SPAG16: variants seen among roughly 807,000 people sequenced by gnomAD.
The protein encoded by SPAG16 is sperm associated antigen 16.
SPAG16 carries 86 observed loss-of-function variants against 80.4 expected under a neutral mutation model. That is an observed-to-expected ratio of 1.07 (90% confidence interval 0.90 to 1.28). The LOEUF (loss-of-function observed/expected upper bound fraction) is 1.28. Ranked by LOEUF, SPAG16 falls within the 50% of genes most tolerant of loss-of-function variation. SPAG16 has a pLI of 0.00. For missense variants in SPAG16, 870 were observed against 765.3 expected, an observed-to-expected ratio of 1.14 and a Z score of -1.61; for synonymous variants, 294 against 265.9, an observed-to-expected ratio of 1.11 and a Z score of -1.03.
intron 5 of SPAG16, among the ~76,000 whole-genome samples, chr2:213,338,923 G>A (rs72937070): frequency 0.19 from 29,265 of 151,712 alleles, 3,770 homozygotes; most frequent in Non-Finnish European, 0.29. Flanking sequence ...CGTATGCTGC[G>A]CTTAATAGCT....
intron 15 of SPAG16, among the ~76,000 whole-genome samples, chr2:214,303,796 T>TC (rs1447049320): frequency 6.6e-6 from 1 of 152,220 alleles, no homozygotes; most frequent in Non-Finnish European, 1.5e-5. Context: ...AGGTTTTTTT[T>TC]CCTTTTTAAA....
intron 13 of SPAG16, among the ~76,000 whole-genome samples, chr2:214,021,754 A>C (rs755282669): frequency 7.2e-5 from 11 of 152,162 alleles, no homozygotes; most frequent in Non-Finnish European, 1.6e-4. Flanking sequence ...CTTGCTTTGA[A>C]CACCTTGGTT....
At chr2:214,022,256 CA>C (rs2047911702) in intron 13 of SPAG16, among the ~76,000 whole-genome samples, 1 of 152,024 alleles carries the variant, frequency 6.6e-6, no homozygotes, top group African/African-American at 2.4e-5. Context: ...TACGTAATTG[CA>C]TTTTTATAGA....
At chr2:213,780,117 A>G (rs1433767005) in intron 10 of SPAG16, among the ~76,000 whole-genome samples, 1 of 152,166 alleles carries the variant, frequency 6.6e-6, no homozygotes, top group Non-Finnish European at 1.5e-5. Context: ...TCTCAAAGCA[A>G]TGTCTAGATC....
At chr2:213,833,511 TAA>T (rs1559506173) in intron 10 of SPAG16, among the ~76,000 whole-genome samples, 707 of 3,010 alleles carry the variant, frequency 0.23, 313 homozygotes, top group East Asian at 0.62. Flanking sequence ...ATATTATATA[TAA>T]TATATATAAT....
At chr2:213,674,775 A>G (rs1454394520) in intron 10 of SPAG16, among the ~76,000 whole-genome samples, 3 of 150,282 alleles carry the variant, frequency 2.0e-5, no homozygotes, top group Non-Finnish European at 4.4e-5. Context: ...TTCTTAATCC[A>G]GTCTATCATT....
intron 14 of SPAG16, among the ~76,000 whole-genome samples, chr2:214,127,639 G>A (rs1576294938): frequency 6.6e-6 from 1 of 151,738 alleles, no homozygotes; most frequent in African/African-American, 2.4e-5. Context: ...ATTTTATTTT[G>A]TTTAGGAGGA....
chr2:214,091,592 A>T (rs542589645), intron 13 of SPAG16, among the ~76,000 whole-genome samples: 1 of 152,290 alleles, frequency 6.6e-6, no homozygotes, highest in South Asian at 2.1e-4. Context: ...AGTGTATGCA[A>T]TTATTGCTAT....
chr2:213,738,376 C>T (rs961979511), intron 10 of SPAG16, among the ~76,000 whole-genome samples: 1 of 152,102 alleles, frequency 6.6e-6, no homozygotes, highest in Non-Finnish European at 1.5e-5. Context: ...ACCAGTTATT[C>T]AGAAGATAGA....
At chr2:213,368,934 A>C (rs1372558795) in intron 8 of SPAG16, among the ~76,000 whole-genome samples, 2 of 152,228 alleles carry the variant, frequency 1.3e-5, no homozygotes, top group Non-Finnish European at 2.9e-5. Flanking sequence ...AAATGGAAGA[A>C]CATTCCATGC....
chr2:213,663,086 G>C (rs2063482473), intron 10 of SPAG16, among the ~76,000 whole-genome samples: 1 of 152,044 alleles, frequency 6.6e-6, no homozygotes, highest in Non-Finnish European at 1.5e-5. Context: ...CTGTACAGGA[G>C]CTAATATATT....
chr2:213,305,242 C>A (rs2062893150), intron 3 of SPAG16, among the ~76,000 whole-genome samples: 1 of 152,004 alleles, frequency 6.6e-6, no homozygotes, highest in Non-Finnish European at 1.5e-5. Context: ...GCTTTACTGA[C>A]TTTATCAGTC....
intron 15 of SPAG16, among the ~76,000 whole-genome samples, chr2:214,259,652 G>A (rs894543639): frequency 6.6e-6 from 1 of 151,114 alleles, no homozygotes; most frequent in African/African-American, 2.4e-5. Flanking sequence ...GGTTTGGTTG[G>A]TGTTTATTTT....
chr2:213,333,890 C>G (rs1222676665), intron 5 of SPAG16, among the ~76,000 whole-genome samples: 1 of 151,974 alleles, frequency 6.6e-6, no homozygotes, highest in Non-Finnish European at 1.5e-5. Context: ...AAGAAACTCT[C>G]AATGACATTG....
intron 10 of SPAG16, among the ~76,000 whole-genome samples, chr2:213,834,057 C>T (rs1023305249): frequency 3.3e-5 from 5 of 152,106 alleles, no homozygotes; most frequent in African/African-American, 1.2e-4. Flanking sequence ...GAATAAGTCT[C>T]ATGAGCTCTG....
intron 12 of SPAG16, among the ~76,000 whole-genome samples, chr2:213,987,793 T>C (rs1007320710): frequency 2.7e-5 from 4 of 148,162 alleles, no homozygotes; most frequent in African/African-American, 9.8e-5. Flanking sequence ...AGAAAAACTA[T>C]ATAATTATAA....
intron 12 of SPAG16, among the ~76,000 whole-genome samples, chr2:213,976,135 TACAC>T (rs1553685174): frequency 0.023 from 1,844 of 81,284 alleles, 26 homozygotes; most frequent in South Asian, 0.11. Context: ...TATATATATA[TACAC>T]ACACACACAC....
chr2:214,202,462 G>A (rs1294463607), intron 15 of SPAG16, among the ~76,000 whole-genome samples: 4 of 152,118 alleles, frequency 2.6e-5, no homozygotes, highest in Admixed American at 6.6e-5. Flanking sequence ...GTAAGGTAAG[G>A]TATATTAATA....
intron 15 of SPAG16, among the ~76,000 whole-genome samples, chr2:214,226,153 G>C (rs1442686891): frequency 6.6e-6 from 1 of 152,054 alleles, no homozygotes; most frequent in Non-Finnish European, 1.5e-5. Context: ...AGTCTCAATG[G>C]ATCTCAGCTC....
Sources: gnomAD v4.1 joint callset for allele counts (sites outside exome capture counted in the v4.1 genomes callset) on GRCh38, gnomAD v4.1.1 for gene constraint, MANE v1.5 for transcripts, NCBI Gene and HGNC (gene_info 2026-07-23, HGNC 2026-07-21) for gene names.